Variants in GATAD2A observed in about 807,000 individuals in gnomAD.
GATAD2A encodes transcriptional repressor p66-alpha.
A neutral mutation model predicts 68.5 loss-of-function variants in GATAD2A; 12 were observed. The observed-to-expected ratio is 0.18, with a 90% CI of 0.11 to 0.28. GATAD2A has a LOEUF of 0.28. GATAD2A is among the 10% of genes least tolerant of loss of function. The pLI is 1.00. For synonymous variants in GATAD2A, 410 were observed against 375.3 expected (o/e 1.09, Z -1.07); for missense variants, 755 against 868.5 (o/e 0.87, Z 1.64).
At chr19:19,505,144 G>C (rs918837329) in intron 11 of GATAD2A, among the ~76,000 whole-genome samples, 200 bp from the exon 12 acceptor site, 8 of 152,108 alleles carry the variant, frequency 5.3e-5, no homozygotes, top group Admixed American at 6.6e-5. Flanking sequence ...CAAGGCCATT[G>C]AGTTGCTGCC....
chr19:19,456,567 A>T (rs1425545161), intron 1 of GATAD2A, among the ~76,000 whole-genome samples: 1 of 152,192 alleles, frequency 6.6e-6, no homozygotes. Flanking sequence ...TTATGTCCAT[A>T]AGCCCTGTGT....
chr19:19,474,220 T>G (rs1600226617), intron 2 of GATAD2A: 1 of 932,646 alleles, frequency 1.1e-6, no homozygotes, highest in Non-Finnish European at 1.3e-6. Flanking sequence ...GAGAGGAGGG[T>G]GAGGTCGACA....
Position 19,457,456 on chromosome 19 carries a change from C to T in GATAD2A, c.-6-7884C>T, listed in dbSNP as rs547008495. On this transcript the variant is annotated intron_variant, in intron 1 of 11. Coordinates refer to ENST00000683918, the MANE Select transcript of GATAD2A (RefSeq NM_001384528.1). ...GTGAAAGCAGTGTAAACATGATTAA[C>T]AAGGCCAGGCTCGGTGGCTCACGCC... 2.6e-5 allele frequency among the ~76,000 whole-genome samples: 4 copies of T among 152,244 alleles called. No individual in the cohort carries two copies. The East Asian group carries it at 7.7e-4, about 29-fold the overall frequency.
At chr19:19,395,612 A>C (rs1006074639) in intron 1 of GATAD2A, among the ~76,000 whole-genome samples, 1 of 152,208 alleles carries the variant, frequency 6.6e-6, no homozygotes, top group African/African-American at 2.4e-5. Context: ...GCGGCCAAAA[A>C]GATGGTTTCT....
chr19:19,441,293 T>C (rs928155218), intron 1 of GATAD2A, among the ~76,000 whole-genome samples: 1 of 152,236 alleles, frequency 6.6e-6, no homozygotes, highest in Admixed American at 6.5e-5. Context: ...ATTCCTGTTA[T>C]ATATTGTAGG....
intron 9 of GATAD2A, 101 bp from the exon 10 acceptor site, chr19:19,501,868 A>G: frequency 1.2e-6 from 1 of 834,258 alleles, no homozygotes; most frequent in Non-Finnish European, 1.9e-6. Flanking sequence ...TTGGCGCCTA[A>G]AGTCCCCAGG....
chr19:19,414,673 A>T (rs1600058316), intron 1 of GATAD2A, among the ~76,000 whole-genome samples: 1 of 147,310 alleles, frequency 6.8e-6, no homozygotes, highest in Non-Finnish European at 1.5e-5. Context: ...AGTAGCTGGG[A>T]TTACAGGCGC....
intron 1 of GATAD2A, among the ~76,000 whole-genome samples, chr19:19,394,819 G>A (rs1379476679): frequency 6.6e-6 from 1 of 152,240 alleles, no homozygotes; most frequent in African/African-American, 2.4e-5. Context: ...GGAAGTCTTA[G>A]ATTTGACAGG....
intron 1 of GATAD2A, among the ~76,000 whole-genome samples, chr19:19,458,996 T>C (rs368504926): frequency 6.6e-6 from 1 of 152,172 alleles, no homozygotes; most frequent in African/African-American, 2.4e-5. Flanking sequence ...TTAAGAAACA[T>C]GGCCTCACTA....
intron 1 of GATAD2A, among the ~76,000 whole-genome samples, chr19:19,451,013 G>A (rs947306137): frequency 1.3e-5 from 2 of 150,508 alleles, no homozygotes; most frequent in African/African-American, 2.4e-5. Context: ...CATGTGATCC[G>A]CCTGCCTCAG....
chr19:19,403,988 T>G (rs1356829451), upstream of GATAD2A, among the ~76,000 whole-genome samples: 2 of 152,342 alleles, frequency 1.3e-5, no homozygotes, highest in East Asian at 1.9e-4. Context: ...AGCAAATTGG[T>G]GACATAACTG....
intron 1 of GATAD2A, among the ~76,000 whole-genome samples, chr19:19,417,443 C>G (rs966596667): frequency 5.9e-5 from 9 of 152,188 alleles, no homozygotes; most frequent in African/African-American, 1.9e-4. Flanking sequence ...TCTTGGCTCT[C>G]TCAGTCTCAG....
chr19:19,448,646 G>A (rs2056025223), intron 1 of GATAD2A, among the ~76,000 whole-genome samples: 1 of 152,104 alleles, frequency 6.6e-6, no homozygotes. Flanking sequence ...CCACCACCAT[G>A]CTGGCTAATT....
intron 1 of GATAD2A, among the ~76,000 whole-genome samples, chr19:19,388,309 G>A (rs1232972434): frequency 2.0e-5 from 3 of 151,926 alleles, no homozygotes; most frequent in East Asian, 1.9e-4. Context: ...CGCCGGCCTC[G>A]GCCTCCCAAA....
intron 1 of GATAD2A, among the ~76,000 whole-genome samples, chr19:19,424,610 T>G (rs1258575790): frequency 1.3e-5 from 2 of 151,852 alleles, no homozygotes; most frequent in Non-Finnish European, 2.9e-5. Context: ...TGGCCTCAAG[T>G]GATCCTCCTG....
Position 19,482,578 on chromosome 19 carries a change from C to A in GATAD2A, c.270-9728C>A, listed in dbSNP as rs138010475. Among the ~76,000 whole-genome samples, 44 of 152,170 alleles carry A rather than the reference C, an allele frequency of 2.9e-4. 1 individual carries two copies. The highest frequency in any genetic ancestry group is 1.0e-3 in the African/African-American group (42 of 41,500). ...GTTGTCTGCAGGTCCTGGTGTGTGA[C>A]CTTAGGAAGTCATGTGGCCCTCCCT... On this transcript the variant is annotated intron_variant, in intron 2 of 11. Transcript: ENST00000683918.
chr19:19,505,775 G>C lies in GATAD2A; in HGVS notation c.*301G>C. The stretch of plus-strand genomic sequence containing the variant: ...CGACACCAGCAGAAAAGTGGACCTT[G>C]GGGGCTGGTTCTGCTCCTGGCCCCC... On this transcript the variant is annotated 3_prime_UTR_variant, in exon 12 of 12. Coordinates refer to ENST00000683918, the MANE Select transcript of GATAD2A (RefSeq NM_001384528.1). 2.2e-6 allele frequency: 1 copy of C among 464,032 alleles called. No individual in the cohort carries two copies. The allele number at this position is 464,032 out of a possible 1,614,324, so 28.7% of individuals were successfully genotyped here. A position where few individuals can be genotyped will look rare whatever the true frequency, so the allele number is the denominator to read the frequency against.
At chr19:19,459,632 T>C (rs542594806) in intron 1 of GATAD2A, among the ~76,000 whole-genome samples, 1 of 152,254 alleles carries the variant, frequency 6.6e-6, no homozygotes, top group Non-Finnish European at 1.5e-5. Flanking sequence ...GGGTAGATAA[T>C]TTAAGCTGCA....
intron 2 of GATAD2A, among the ~76,000 whole-genome samples, chr19:19,488,166 C>T (rs1357956686): frequency 1.3e-5 from 2 of 152,200 alleles, no homozygotes; most frequent in Non-Finnish European, 1.5e-5. Context: ...GAGAAGCTGC[C>T]CTGCTGCTAT....
Sources: allele counts gnomAD v4.1 joint callset (sites outside exome capture counted in the v4.1 genomes callset), GRCh38; gene constraint gnomAD v4.1.1; transcripts MANE v1.5; gene names NCBI Gene and HGNC (gene_info 2026-07-23, HGNC 2026-07-21).